Variants in NBEA observed in about 807,000 individuals in gnomAD.
The protein encoded by NBEA is neurobeachin, also known as lysosomal-trafficking regulator 2.
In NBEA, 44 loss-of-function variants were observed where a neutral mutation model predicts 343.4. The ratio of observed to expected loss-of-function variants is 0.13; its 90% CI spans 0.10 to 0.16. The LOEUF (loss-of-function observed/expected upper bound fraction) is 0.16. NBEA is among the 10% of genes least tolerant of loss of function. The pLI is 1.00. For synonymous variants in NBEA, 1,175 were observed against 1,238.7 expected (o/e 0.95, Z 1.08); for missense variants, 2,555 against 3,631.3 (o/e 0.70, Z 7.62).
At chr13:35,405,691 A>G (rs756414508) in intron 38 of NBEA, among the ~76,000 whole-genome samples, 1 of 152,154 alleles carries the variant, frequency 6.6e-6, no homozygotes, top group Non-Finnish European at 1.5e-5. Context: ...ATATTCCTCA[A>G]AGTAAGTCCT....
At chr13:34,957,066 C>T (rs974355176) in intron 1 of NBEA, among the ~76,000 whole-genome samples, 4 of 151,850 alleles carry the variant, frequency 2.6e-5, no homozygotes, top group Admixed American at 1.3e-4. Context: ...TATATACATA[C>T]ATATGTATAA....
At chr13:34,956,931 G>A (rs2059512463) in intron 1 of NBEA, among the ~76,000 whole-genome samples, 1 of 152,060 alleles carries the variant, frequency 6.6e-6, no homozygotes, top group Admixed American at 6.6e-5. Flanking sequence ...GCTTACAGGT[G>A]TGAGCCACTG....
At chr13:35,224,971 ACT>A (rs1157247226) in intron 33 of NBEA, among the ~76,000 whole-genome samples, 1 of 150,772 alleles carries the variant, frequency 6.6e-6, no homozygotes, top group African/African-American at 2.4e-5. Context: ...TGTTTTTGTT[ACT>A]CTCTGTGTAC....
chr13:35,194,468 A>G (rs1022869114), intron 30 of NBEA, among the ~76,000 whole-genome samples: 4 of 152,090 alleles, frequency 2.6e-5, no homozygotes, highest in Admixed American at 6.6e-5. Flanking sequence ...CTGATTTTCA[A>G]TTTTTAGGAG....
intron 38 of NBEA, among the ~76,000 whole-genome samples, chr13:35,400,477 G>A (rs528159056): frequency 1.3e-5 from 2 of 151,918 alleles, no homozygotes; most frequent in African/African-American, 2.4e-5. Context: ...CATCTAATAT[G>A]TCCTACTTTT....
intron 38 of NBEA, among the ~76,000 whole-genome samples, chr13:35,417,059 AT>A (rs979781687): frequency 1.3e-5 from 2 of 152,092 alleles, no homozygotes; most frequent in Admixed American, 1.3e-4. Flanking sequence ...GGTAGTTTGT[AT>A]TTCTGTGGAA....
In NBEA at chr13:35,629,290, C is replaced by A. The variant is rs1289160177; in HGVS notation, c.7617+1042C>A. 2.6e-5 allele frequency among the ~76,000 whole-genome samples: 4 copies of A among 152,118 alleles called. No homozygotes were observed. The East Asian group carries it at 7.7e-4, about 29-fold the overall frequency. On this transcript the variant is annotated intron_variant, in intron 49 of 58. Coordinates refer to ENST00000379939, the MANE Select transcript of NBEA (RefSeq NM_001385012.1). ...CAAGTAATCATTTCTGCATCTCCAG[C>A]CAGTGGAATGCTTTTCTTATTTTTT... is the stretch of plus-strand genomic sequence containing the variant.
intron 55 of NBEA, among the ~76,000 whole-genome samples, chr13:35,656,546 A>G (rs1165560396): frequency 6.6e-6 from 1 of 152,222 alleles, no homozygotes; most frequent in Non-Finnish European, 1.5e-5. Flanking sequence ...AGAAAACACT[A>G]AAGTAGATAA....
At chr13:35,577,564 A>T (rs2080803057) in intron 45 of NBEA, among the ~76,000 whole-genome samples, 1 of 152,082 alleles carries the variant, frequency 6.6e-6, no homozygotes, top group Non-Finnish European at 1.5e-5. Context: ...ACTAGCTCTT[A>T]TGTGCTATGA....
chr13:35,590,566 A>G (rs1215397905), intron 46 of NBEA, among the ~76,000 whole-genome samples: 1 of 152,128 alleles, frequency 6.6e-6, no homozygotes, highest in Non-Finnish European at 1.5e-5. Flanking sequence ...TTAAGAGTTG[A>G]AAACTAGACA....
intron 36 of NBEA, among the ~76,000 whole-genome samples, chr13:35,323,984 T>A (rs932640938): frequency 5.9e-5 from 9 of 152,220 alleles, no homozygotes; most frequent in African/African-American, 2.2e-4. Flanking sequence ...ATGTACATAA[T>A]CTGTGCCTTT....
At chr13:35,080,594 GGGGC>G (rs1239671083) in intron 10 of NBEA, among the ~76,000 whole-genome samples, 1 of 152,130 alleles carries the variant, frequency 6.6e-6, no homozygotes, top group Non-Finnish European at 1.5e-5. Context: ...TATAACCTTT[GGGGC>G]GGTAAAGCTG....
intron 25 of NBEA, among the ~76,000 whole-genome samples, chr13:35,169,476 C>T (rs1192972860): frequency 6.6e-6 from 1 of 151,318 alleles, no homozygotes; most frequent in Non-Finnish European, 1.5e-5. Context: ...CAAAAAAACA[C>T]TTTGATGGAT....
rs190234440 is a variant in NBEA, at chr13:35,155,394, C to T, written c.2446-380C>T. On this transcript the variant is annotated intron_variant, in intron 18 of 58. Coordinates refer to ENST00000379939, the MANE Select transcript of NBEA (RefSeq NM_001385012.1). Reference sequence around the variant, plus strand: ...ACCCCAGCACTTTGGGAGGCTGAGGCGGGTGGATCATCTGAGGTCAGGAGT... The same window carrying T: ...ACCCCAGCACTTTGGGAGGCTGAGGTGGGTGGATCATCTGAGGTCAGGAGT... Among the ~76,000 whole-genome samples, 53 of 152,094 alleles carry T rather than the reference C, an allele frequency of 3.5e-4. 2 individuals are homozygous for T. Among genetic ancestry groups the T allele is most frequent in the East Asian group, 7.7e-4 (4 of 5,176 alleles).
intron 18 of NBEA, among the ~76,000 whole-genome samples, chr13:35,148,209 T>G (rs1158308750): frequency 6.6e-6 from 1 of 152,112 alleles, no homozygotes; most frequent in African/African-American, 2.4e-5. Flanking sequence ...AAGAGAAAAG[T>G]ACAAACTCAA....
intron 55 of NBEA, among the ~76,000 whole-genome samples, chr13:35,662,623 G>T (rs1355129332): frequency 6.6e-6 from 1 of 152,088 alleles, no homozygotes; most frequent in Non-Finnish European, 1.5e-5. Context: ...CCCCCTAATA[G>T]TTAAGTTCCA....
Position 35,349,107 on chromosome 13 carries a change from G to T in NBEA, c.5904-1G>T, listed in dbSNP as rs1227624976. The stretch of plus-strand genomic sequence containing the variant: ...ATTTCTAAAGGTATTTTTCTTTTTA[G>T]ATTACTGTGCCATGCTATGAAGGAC... On this transcript the variant is annotated splice_acceptor_variant, in intron 36 of 58. Transcript: ENST00000379939. LOFTEE classifies it high-confidence loss of function. 1.3e-6 allele frequency: 2 copies of T among 1,514,316 alleles called. No individual in the cohort carries two copies. Among genetic ancestry groups the T allele is most frequent in the Admixed American group, 2.0e-5 (1 of 50,724 alleles). The allele number at this position is 1,514,316 out of a possible 1,614,324, so 93.8% of individuals were successfully genotyped here.
At chr13:35,097,047 TATA>T (rs1334240067) in intron 10 of NBEA, among the ~76,000 whole-genome samples, 1 of 151,940 alleles carries the variant, frequency 6.6e-6, no homozygotes, top group East Asian at 1.9e-4. Context: ...TTCTAGATAC[TATA>T]TTTTGTCTAG....
intron 40 of NBEA, among the ~76,000 whole-genome samples, chr13:35,459,588 A>T (rs2046797087): frequency 6.6e-6 from 1 of 152,174 alleles, no homozygotes; most frequent in Admixed American, 6.5e-5. Context: ...TATCTTCCCT[A>T]AGAAATGAAA....
Sources: gnomAD v4.1 joint callset for allele counts (sites outside exome capture counted in the v4.1 genomes callset) on GRCh38, gnomAD v4.1.1 for gene constraint, MANE v1.5 for transcripts, NCBI Gene and HGNC (gene_info 2026-07-23, HGNC 2026-07-21) for gene names.